The following BCAS3 variants were observed in gnomAD, a reference collection of about 807,000 sequenced individuals.
BCAS3 encodes BCAS4/BCAS3 fusion.
In BCAS3, 53 loss-of-function variants were observed where a neutral mutation model predicts 116.1. That is an observed-to-expected ratio of 0.46 (90% CI 0.37 to 0.57). The LOEUF (loss-of-function observed/expected upper bound fraction) is 0.57. BCAS3 is among the 20% of genes least tolerant of loss of function. The pLI, the probability that BCAS3 is intolerant of heterozygous loss-of-function variation, is 0.00. For synonymous variants in BCAS3, 391 were observed against 408.2 expected (o/e 0.96, Z 0.51); for missense variants, 917 against 1,165.4 (o/e 0.79, Z 3.10).
chr17:61,148,525 G>A (rs1325531259), intron 22 of BCAS3, among the ~76,000 whole-genome samples: 1 of 152,158 alleles, frequency 6.6e-6, no homozygotes, highest in Admixed American at 6.5e-5. Context: ...TGTGGGCTCC[G>A]TGTTCCCAGA....
rs112204517 is a variant in BCAS3, at chr17:61,143,044, A to G, written c.2425+58480A>G. On this transcript the variant is annotated intron_variant, in intron 22 of 23. Coordinates refer to ENST00000407086, the MANE Select transcript of BCAS3 (RefSeq NM_017679.5). ...TCTGATTATTTATTAAAAGAACTCA[A>G]TTTTTTCAGTGCTGAAGGAGAAGTT... Among the ~76,000 whole-genome samples the G allele has an allele frequency of 2.3e-3, 352 of 152,162 alleles. 1 individual carries two copies. Among genetic ancestry groups the G allele is most frequent in the African/African-American group, 8.1e-3 (338 of 41,500 alleles).
Position 61,189,513 on chromosome 17 carries a change from A to G in BCAS3, c.2425+104949A>G, listed in dbSNP as rs2079975014. Reference sequence around the variant, plus strand: ...ACTTGCATTTTAAATGTAATTTGGGAGCTGTAGAGAGAGCAGATTTGAAGA... The same window carrying G: ...ACTTGCATTTTAAATGTAATTTGGGGGCTGTAGAGAGAGCAGATTTGAAGA... On this transcript the variant is annotated intron_variant, in intron 22 of 23. Coordinates refer to ENST00000407086, the MANE Select transcript of BCAS3 (RefSeq NM_017679.5). This position sits in a 1 kb window ranked among gnomAD's most constrained non-coding sequence, Gnocchi z 4.5. Among the ~76,000 whole-genome samples, 1 of 152,186 alleles carries G rather than the reference A, an allele frequency of 6.6e-6. No homozygotes were observed. The highest frequency in any genetic ancestry group is 2.4e-5 in the African/African-American group (1 of 41,438).
Position 61,034,608 on chromosome 17 carries a change from C to T in BCAS3, c.1638-58C>T. ...AATTTAAAGGAAAAACTGTCATTAC[C>T]TAAAGGAGTATCATTTCATCATGAT... On this transcript the variant is annotated intron_variant, in intron 16 of 23. Transcript: ENST00000407086. This position sits in a 1 kb window ranked among gnomAD's most constrained non-coding sequence, Gnocchi z 5.0. The T allele has an allele frequency of 6.7e-7, 1 of 1,482,128 alleles. No homozygotes were observed. The highest frequency in any genetic ancestry group is 9.3e-7 in the Non-Finnish European group (1 of 1,080,926). 91.8% of individuals were successfully genotyped at this position (1,482,128 alleles called of 1,614,324 possible). A position where few individuals can be genotyped will look rare whatever the true frequency, so the allele number is the denominator to read the frequency against.
At position 61,344,934 on chromosome 17, in the gene BCAS3, TAC is replaced by T. The variant is rs375725996; in HGVS notation, c.2426-23380_2426-23379del. On this transcript the variant is annotated intron_variant, in intron 22 of 23. Coordinates refer to ENST00000407086, the MANE Select transcript of BCAS3 (RefSeq NM_017679.5). The surrounding 1 kb of genome is among the most constrained non-coding windows in gnomAD (Gnocchi z 4.1). ...TCGGAAATACACACACACACACACA[TAC>T]ACACACACACACGCACACCCCTCAC... Among the ~76,000 whole-genome samples, 3 of 142,866 alleles carry T rather than the reference TAC, an allele frequency of 2.1e-5. No homozygotes were observed. The highest frequency in any genetic ancestry group is 6.9e-5 in the Admixed American group (1 of 14,432). The allele number at this position is 142,866 out of a possible 152,430, so 93.7% of individuals were successfully genotyped here.
intron 22 of BCAS3, among the ~76,000 whole-genome samples, chr17:61,109,856 A>G (rs1003854204): frequency 1.3e-5 from 2 of 152,186 alleles, no homozygotes; most frequent in African/African-American, 4.8e-5. Context: ...TGTCAGATGT[A>G]TAGATTGTGA....
chr17:60,687,407 C>T (rs1404220292), intron 3 of BCAS3, among the ~76,000 whole-genome samples: 1 of 152,050 alleles, frequency 6.6e-6, no homozygotes, highest in African/African-American at 2.4e-5. Context: ...AGTACCAGAC[C>T]AGCCTGAGCA....
chr17:61,275,407 G>A (rs2050680800), intron 22 of BCAS3, among the ~76,000 whole-genome samples: 1 of 152,130 alleles, frequency 6.6e-6, no homozygotes, highest in African/African-American at 2.4e-5. Context: ...TGAAGAGTCT[G>A]TTGCCATTGA....
intron 19 of BCAS3, among the ~76,000 whole-genome samples, chr17:61,070,661 G>C (rs1027280071): frequency 5.9e-5 from 9 of 152,116 alleles, no homozygotes; most frequent in African/African-American, 2.2e-4. Context: ...AAGCATTTGA[G>C]AATGAATTTT....
Position 61,286,762 on chromosome 17 carries a change from G to GTT in BCAS3, c.2426-81565_2426-81564insTT, listed in dbSNP as rs1439230230. ...TCTAAACTCTGCCACGGGCTTACCA[G>GTT]AGTGAGAAGTTAGCATATTGAGGCA... On this transcript the variant is annotated intron_variant, in intron 22 of 23. Coordinates refer to ENST00000407086, the MANE Select transcript of BCAS3 (RefSeq NM_017679.5). This position sits in a 1 kb window ranked among gnomAD's most constrained non-coding sequence, Gnocchi z 4.8. Among the ~76,000 whole-genome samples the GTT allele has an allele frequency of 6.6e-6, 1 of 152,202 alleles. No individual in the cohort carries two copies. Among genetic ancestry groups the GTT allele is most frequent in the Non-Finnish European group, 1.5e-5 (1 of 68,044 alleles).
intron 14 of BCAS3, among the ~76,000 whole-genome samples, chr17:60,951,202 T>C (rs2060811268): frequency 6.6e-6 from 1 of 152,208 alleles, no homozygotes; most frequent in South Asian, 2.1e-4. Context: ...CTAAGTGGAA[T>C]ACATTTTCTG....
chr17:61,312,488 T>C (rs1204337740), intron 22 of BCAS3, among the ~76,000 whole-genome samples: 1 of 152,242 alleles, frequency 6.6e-6, no homozygotes, highest in African/African-American at 2.4e-5. Flanking sequence ...CTTGCCACTG[T>C]GGCTGGCACA....
intron 11 of BCAS3, among the ~76,000 whole-genome samples, chr17:60,909,249 CCCATTTT>C (rs1270160407): frequency 6.6e-6 from 1 of 152,076 alleles, no homozygotes; most frequent in Non-Finnish European, 1.5e-5. Flanking sequence ...AAATACTTCT[CCCATTTT>C]CAGTTTTAAT....
At position 61,095,025 on chromosome 17, in the gene BCAS3, A is replaced by AT. The variant is rs2073876092; in HGVS notation, c.2425+10465dup. On this transcript the variant is annotated intron_variant, in intron 22 of 23. Transcript: ENST00000407086. This position sits in a 1 kb window ranked among gnomAD's most constrained non-coding sequence, Gnocchi z 4.7. ...TTCCAAATGCAAGATAGGACAAAGG[A>AT]TTTTAATGTAATAGAATATGAAAGT... is the stretch of plus-strand genomic sequence containing the variant. 6.6e-6 allele frequency among the ~76,000 whole-genome samples: 1 copy of AT among 152,236 alleles called. No homozygotes were observed. The highest frequency in any genetic ancestry group is 1.5e-5 in the Non-Finnish European group (1 of 68,040).
intron 19 of BCAS3, among the ~76,000 whole-genome samples, chr17:61,042,946 G>C (rs758796712): frequency 4.0e-5 from 6 of 149,744 alleles, no homozygotes; most frequent in Non-Finnish European, 7.4e-5. Context: ...TGGCAGCACT[G>C]CAGCAGGAAA....
At chr17:60,973,917 A>G (rs139763012) in intron 14 of BCAS3, among the ~76,000 whole-genome samples, 6 of 152,122 alleles carry the variant, frequency 3.9e-5, no homozygotes, top group South Asian at 4.2e-4. Context: ...TGTAATTTCT[A>G]AGGTTTGATA....
At chr17:61,202,758 A>T (rs1305512962) in intron 22 of BCAS3, among the ~76,000 whole-genome samples, 1 of 152,244 alleles carries the variant, frequency 6.6e-6, no homozygotes, top group Non-Finnish European at 1.5e-5. Flanking sequence ...CTGACTCAGA[A>T]AAACAACTCA....
chr17:61,272,728 G>A (rs1480433555), intron 22 of BCAS3, among the ~76,000 whole-genome samples: 2 of 146,072 alleles, frequency 1.4e-5, no homozygotes, highest in Admixed American at 7.0e-5. Flanking sequence ...AAGTCGTAGT[G>A]TGTAAGTTTC....
At chr17:61,137,756 G>A (rs2076720253) in intron 22 of BCAS3, among the ~76,000 whole-genome samples, 1 of 152,212 alleles carries the variant, frequency 6.6e-6, no homozygotes, top group Non-Finnish European at 1.5e-5. Context: ...GACAGAGCAA[G>A]ACTCCATCTC....
chr17:60,778,562 T>C (rs2045513509), intron 6 of BCAS3, among the ~76,000 whole-genome samples: 1 of 152,208 alleles, frequency 6.6e-6, no homozygotes, highest in African/African-American at 2.4e-5. Context: ...ACTTTGATGG[T>C]CTTTTTAAAT....
Sources: allele counts gnomAD v4.1 joint callset (sites outside exome capture counted in the v4.1 genomes callset), GRCh38; gene constraint gnomAD v4.1.1; non-coding constraint Gnocchi (gnomAD v3.1); transcripts MANE v1.5; gene names NCBI Gene and HGNC (gene_info 2026-07-23, HGNC 2026-07-21).